Variants in RTKN observed in about 807,000 individuals in gnomAD.
The protein encoded by RTKN is rhotekin.
In RTKN, 49 loss-of-function variants were observed where a neutral mutation model predicts 63.5. The ratio of observed to expected loss-of-function variants is 0.77; its 90% CI spans 0.61 to 0.98. The LOEUF (loss-of-function observed/expected upper bound fraction) is 0.98. Ranked by LOEUF, RTKN falls within the 50% of genes least tolerant of loss-of-function variation. RTKN has a pLI of 0.00. For missense variants in RTKN, 685 were observed against 740.8 expected (o/e 0.92, Z 0.87); for synonymous variants, 295 against 290.4 (o/e 1.02, Z -0.16).
chr2:74,428,732 TCTC>T lies in RTKN; in HGVS notation c.853_855del (p.Glu285del), dbSNP rs1183717036. 4 of 1,613,598 alleles carry T rather than the reference TCTC, an allele frequency of 2.5e-6. No individual in the cohort carries two copies. Among genetic ancestry groups the T allele is most frequent in the Non-Finnish European group, 3.4e-6 (4 of 1,179,708 alleles). On this transcript the variant is annotated inframe_deletion and splice_region_variant, in exon 8 of 12. Transcript: ENST00000272430. ...CCATAAAGGGGCAGCCAGGCAGGGT[TCTC>T]CTCTGGGGGAGGAGGAAGTGCAGGG...
chr2:74,438,023 C>T (rs1393906538), intron 1 of RTKN, among the ~76,000 whole-genome samples: 2 of 152,094 alleles, frequency 1.3e-5, no homozygotes, highest in Non-Finnish European at 2.9e-5. Flanking sequence ...CCAAAATTGA[C>T]CAGTAACATC....
intron 11 of RTKN, chr2:74,426,781 G>A (rs1670420708): frequency 1.5e-6 from 2 of 1,363,222 alleles, no homozygotes; most frequent in South Asian, 2.0e-5. Context: ...GGGGCACAAG[G>A]TAGATGGGGA....
Position 74,427,186 on chromosome 2 carries a change from G to T in RTKN, c.1343C>A (p.Ser448Tyr), listed in dbSNP as rs1670444380. 5 of 1,613,800 alleles carry T rather than the reference G, an allele frequency of 3.1e-6. No individual in the cohort carries two copies. In the African/African-American group the frequency reaches 6.7e-5, roughly 22 times the overall value. Residue 448 changes from serine to tyrosine, a missense_variant, in exon 11 of 12, where the codon TCC (serine) becomes TAC (tyrosine). By Grantham distance (144) the Ser-to-Tyr change is moderately radical (BLOSUM62 -2). Transcript: ENST00000272430. The stretch of plus-strand genomic sequence containing the variant: ...TCACTTACCCATCTCATGGTACAAG[G>T]ACCCCTGCTTTGCCAGTGCTTGGGG... ...KPPQALAKQG[S>Y]LYHEMAIEPL...
chr2:74,439,577 T>C (rs142430892), intron 1 of RTKN: 38 of 1,614,046 alleles, frequency 2.4e-5, no homozygotes, highest in Non-Finnish European at 3.0e-5. Flanking sequence ...ATCTGCCGAA[T>C]GTAGAGCATA....
At chr2:74,441,510 G>A (rs1043203973) in intron 1 of RTKN, among the ~76,000 whole-genome samples, 196 bp downstream of exon 1, 1 of 152,236 alleles carries the variant, frequency 6.6e-6, no homozygotes, top group Non-Finnish European at 1.5e-5. Flanking sequence ...ACCAGGCCGC[G>A]GAATGGGCAG....
chr2:74,433,778 C>A (rs1015148854), intron 1 of RTKN, among the ~76,000 whole-genome samples: 1 of 152,176 alleles, frequency 6.6e-6, no homozygotes, highest in African/African-American at 2.4e-5. Flanking sequence ...CAGGCGTGAG[C>A]CACCGCGCCC....
Position 74,425,885 on chromosome 2 carries a change from C to T in RTKN, c.*358G>A. The stretch of plus-strand genomic sequence containing the variant: ...GTCCTCAGGAGCCAGGTGAAGGCTG[C>T]TGTTAAATAACTTTAATGGTTGATG... On this transcript the variant is annotated 3_prime_UTR_variant, in exon 12 of 12. Coordinates refer to ENST00000272430, the MANE Select transcript of RTKN (RefSeq NM_001015055.2). The T allele has an allele frequency of 8.2e-6, 8 of 972,750 alleles. No individual in the cohort carries two copies. The highest frequency in any genetic ancestry group is 1.2e-5 in the Non-Finnish European group (8 of 671,154). 60.3% of individuals were successfully genotyped at this position (972,750 alleles called of 1,614,324 possible).
In RTKN at chr2:74,428,369, G is replaced by A. The variant is rs1225953085; in HGVS notation, c.985C>T (p.Gln329Ter). The part of the protein sequence containing the change: ...QQAGEMQNWA[Q>*]VHGVLKGTNL... ...GTGCCTTTCAGAACTCCATGCACTT[G>A]TGCCCAGTTCTGCATCTCCCCAGCT... Residue 329 changes from glutamine (Q) to a stop codon, truncating the protein, a stop_gained, in exon 9 of 12, where the codon CAA (glutamine) becomes TAA (stop). Transcript: ENST00000272430. LOFTEE classifies it high-confidence loss of function. The A allele has an allele frequency of 1.2e-6, 2 of 1,614,026 alleles. No homozygotes were observed. Among genetic ancestry groups the A allele is most frequent in the South Asian group, 1.1e-5 (1 of 91,088 alleles).
chr2:74,439,807 G>A, intron 1 of RTKN: 1 of 1,409,188 alleles, frequency 7.1e-7, no homozygotes, highest in Non-Finnish European at 9.3e-7. Context: ...TCTGGCTGCT[G>A]TGACAAATTT....
intron 8 of RTKN, 66 bp from the exon 9 acceptor site, chr2:74,428,462 C>A (rs1194553714): frequency 3.7e-6 from 6 of 1,611,626 alleles, no homozygotes; most frequent in Admixed American, 3.3e-5. Flanking sequence ...CTCAGCCCCC[C>A]ATGAGAACCT....
chr2:74,431,319 CACACCCCACTGCAGGGCCCG>C (rs1670739635), intron 2 of RTKN, among the ~76,000 whole-genome samples: 1 of 152,114 alleles, frequency 6.6e-6, no homozygotes, highest in South Asian at 2.1e-4. Context: ...GCAGCTCCCC[CACACCCCACTGCAGGGCCCG>C]ACACCCCACC....
At chr2:74,428,562 T>G in intron 8 of RTKN, 69 bp downstream of exon 8, 1 of 1,543,226 alleles carries the variant, frequency 6.5e-7, no homozygotes, top group Non-Finnish European at 8.9e-7. Context: ...CATTAGCTCT[T>G]CTATTCCTGG....
At chr2:74,440,075 G>T in intron 1 of RTKN, 1 of 794,668 alleles carries the variant, frequency 1.3e-6, no homozygotes, top group Non-Finnish European at 1.6e-6. Context: ...GTGCGGAGAG[G>T]GCAGTGAGGG....
Position 74,426,762 on chromosome 2 carries a change from G to A in RTKN, c.1361-188C>T, listed in dbSNP as rs368081798. ...TGGGGCTACAGGCTCTGATAAGACTGTGGGACATGGGGCACAAGGTAGATG... is the reference window on the plus strand; with the variant it reads ...TGGGGCTACAGGCTCTGATAAGACTATGGGACATGGGGCACAAGGTAGATG... On this transcript the variant is annotated intron_variant, in intron 11 of 11. Transcript: ENST00000272430. 361 of 1,372,700 alleles carry A rather than the reference G, an allele frequency of 2.6e-4. 2 individuals carry two copies. In the African/African-American group the frequency reaches 4.8e-3, roughly 18 times the overall value. The allele number at this position is 1,372,700 out of a possible 1,614,324, so 85.0% of individuals were successfully genotyped here.
chr2:74,440,702 G>T, intron 1 of RTKN: 1 of 311,526 alleles, frequency 3.2e-6, no homozygotes, highest in Non-Finnish European at 4.7e-6. Context: ...CCAGTCGCTT[G>T]GGGGCAAGGG....
chr2:74,432,537 G>A lies in RTKN; in HGVS notation c.241C>T (p.Arg81Cys), dbSNP rs780758457. Residue 81 changes from arginine to cysteine, a missense_variant, in exon 2 of 12, where the codon CGC (arginine) becomes TGC (cysteine). Physicochemically the swap from Arg to Cys is radical, Grantham distance 180. Transcript: ENST00000272430. ...ATKSLLVCNS[R>C]ILSYMGELQR... ...AGCTCGCCCATGTAGCTGAGGATGC[G>A]GCTGTTGCACACTAGCAGGCTCTTG... is the stretch of plus-strand genomic sequence containing the variant. 1.4e-5 allele frequency: 22 copies of A among 1,613,980 alleles called. No individual in the cohort carries two copies. The highest frequency in any genetic ancestry group is 9.9e-5 in the South Asian group (9 of 91,084).
At chr2:74,430,755 CCCCCT>C in intron 2 of RTKN, 78 bp from the exon 3 acceptor site, 1 of 1,389,156 alleles carries the variant, frequency 7.2e-7, no homozygotes, top group Non-Finnish European at 9.8e-7. Flanking sequence ...ACTCTAGGAT[CCCCCT>C]GATCCCAGCG....
chr2:74,429,918 C>T lies in RTKN; in HGVS notation c.665G>A (p.Gly222Asp). The change falls in exon 6 of 12, where the codon GGC becomes GAC. Residue 222 changes from glycine (G) to aspartate (D), a missense_variant. Gly to Asp is a moderately conservative substitution (Grantham distance 94). Coordinates refer to ENST00000272430, the MANE Select transcript of RTKN (RefSeq NM_001015055.2). ...RLATKLSSSL[G>D]RSSGRRVRAS... The stretch of plus-strand genomic sequence containing the variant: ...CCGGACACGCCTCCCTGAGGAGCGG[C>T]CCAGGGAGCTGCTGAGTTTGGTGGC... 6.2e-7 allele frequency: 1 copy of T among 1,614,200 alleles called. No homozygotes were observed. Among genetic ancestry groups the T allele is most frequent in the East Asian group, 2.2e-5 (1 of 44,886 alleles).
chr2:74,434,314 T>C (rs1670938147), intron 1 of RTKN, among the ~76,000 whole-genome samples: 1 of 149,266 alleles, frequency 6.7e-6, no homozygotes, highest in Admixed American at 6.7e-5. Flanking sequence ...CGAGTCTTAC[T>C]CTGTTGCCCA....
Sources: gnomAD v4.1 joint callset for allele counts (sites outside exome capture counted in the v4.1 genomes callset) on GRCh38, gnomAD v4.1.1 for gene constraint, MANE v1.5 for transcripts, NCBI Gene and HGNC (gene_info 2026-07-23, HGNC 2026-07-21) for gene names.